LRP2: variants seen among roughly 807,000 people sequenced by gnomAD.
The protein encoded by LRP2 is LDL receptor related protein 2.
LRP2 carries 172 observed loss-of-function variants against 531.0 expected under a neutral mutation model. The observed-to-expected ratio is 0.32, with a 90% CI of 0.29 to 0.37. LRP2 has a LOEUF of 0.37. Among genes scored for constraint, LRP2 ranks in the 10% least tolerant of loss-of-function variants. The pLI is 1.00. For synonymous variants in LRP2, 1,992 were observed against 2,027.6 expected, an observed-to-expected ratio of 0.98 and a Z score of 0.47; for missense variants, 5,167 against 5,868.3, an observed-to-expected ratio of 0.88 and a Z score of 3.90.
chr2:169,293,218 A>G (rs892638996), intron 6 of LRP2, among the ~76,000 whole-genome samples: 2 of 152,250 alleles, frequency 1.3e-5, no homozygotes, highest in African/African-American at 4.8e-5. Flanking sequence ...CTTACTGAAC[A>G]TAGTAAAACT....
At chr2:169,279,214 C>T (rs1433027462) in intron 12 of LRP2, among the ~76,000 whole-genome samples, 158 bp downstream of exon 12, 1 of 152,152 alleles carries the variant, frequency 6.6e-6, no homozygotes, top group African/African-American at 2.4e-5. Context: ...TCTCTTAAAG[C>T]TTCTATAAAT....
At chr2:169,311,121 A>T (rs1436505652) in intron 3 of LRP2, among the ~76,000 whole-genome samples, 1 of 152,044 alleles carries the variant, frequency 6.6e-6, no homozygotes, top group Non-Finnish European at 1.5e-5. Context: ...CTAGTGGTCT[A>T]TCAATTTTGT....
chr2:169,133,368 G>A (rs1396445430), intron 76 of LRP2, among the ~76,000 whole-genome samples: 1 of 152,068 alleles, frequency 6.6e-6, no homozygotes, highest in Non-Finnish European at 1.5e-5. Flanking sequence ...CTGAAACTTG[G>A]ATATGCATTT....
chr2:169,357,474 G>T (rs1232729789), intron 1 of LRP2, among the ~76,000 whole-genome samples: 1 of 152,036 alleles, frequency 6.6e-6, no homozygotes, highest in African/African-American at 2.4e-5. Flanking sequence ...TGGGATTACA[G>T]GTGTGCGTCA....
At position 169,353,638 on chromosome 2, in the gene LRP2, C is replaced by A. The variant is rs1685913501; in HGVS notation, c.79+8683G>T. 2.0e-5 allele frequency among the ~76,000 whole-genome samples: 3 copies of A among 152,252 alleles called. No homozygotes were observed. In the South Asian group the frequency reaches 6.2e-4, roughly 31 times the overall value. On this transcript the variant is annotated intron_variant, in intron 1 of 78. Transcript: ENST00000649046. Reference sequence around the variant, plus strand: ...TGAGATTAAAATGTGGGTAGGATTGCCATATTTCTGATAAAATACTTTCAT... The same window carrying A: ...TGAGATTAAAATGTGGGTAGGATTGACATATTTCTGATAAAATACTTTCAT...
intron 1 of LRP2, among the ~76,000 whole-genome samples, chr2:169,354,948 AACAG>A (rs1382657341): frequency 1.3e-5 from 2 of 152,214 alleles, no homozygotes; most frequent in African/African-American, 2.4e-5. Flanking sequence ...GTGCTTGGAA[AACAG>A]ACAAACTCTT....
chr2:169,139,693 G>A, intron 72 of LRP2, 83 bp from the exon 73 acceptor site: 1 of 1,184,050 alleles, frequency 8.4e-7, no homozygotes, highest in Non-Finnish European at 1.3e-6. Context: ...CTGAAGTAGA[G>A]AGAGCTTTGA....
chr2:169,171,200 G>A (rs1362767787), intron 58 of LRP2, among the ~76,000 whole-genome samples: 1 of 152,124 alleles, frequency 6.6e-6, no homozygotes, highest in Admixed American at 6.6e-5. Context: ...GATATTTGCA[G>A]GTGTAGTCAG....
chr2:169,274,996 G>A (rs1205523361), intron 14 of LRP2, 40 bp downstream of exon 14: 1 of 1,593,486 alleles, frequency 6.3e-7, no homozygotes, highest in Admixed American at 1.7e-5. Context: ...TTTCCACCAA[G>A]TCCGGTACCA....
At chr2:169,142,119 G>T (rs1389277255) in intron 71 of LRP2, among the ~76,000 whole-genome samples, 1 of 152,028 alleles carries the variant, frequency 6.6e-6, no homozygotes, top group African/African-American at 2.4e-5. Context: ...CTAGTTATTC[G>T]CCCCCATCCG....
chr2:169,146,698 A>T, intron 69 of LRP2, 41 bp downstream of exon 69: 1 of 1,447,366 alleles, frequency 6.9e-7, no homozygotes, highest in Non-Finnish European at 9.6e-7. Flanking sequence ...GAAATATGTT[A>T]ATTATTAATT....
At chr2:169,192,804 A>G (rs1687876013) in intron 47 of LRP2, among the ~76,000 whole-genome samples, 1 of 152,178 alleles carries the variant, frequency 6.6e-6, no homozygotes, top group African/African-American at 2.4e-5. Context: ...CAATCCATGT[A>G]TGTGTAGCTG....
chr2:169,324,543 T>A (rs1473946349), intron 1 of LRP2, among the ~76,000 whole-genome samples: 1 of 150,996 alleles, frequency 6.6e-6, no homozygotes, highest in Admixed American at 6.6e-5. Context: ...GCAAAAAAAA[T>A]TTAAGCGTTT....
chr2:169,268,980 T>G (rs1175888042), intron 16 of LRP2, among the ~76,000 whole-genome samples: 5 of 152,062 alleles, frequency 3.3e-5, no homozygotes, highest in Non-Finnish European at 7.4e-5. Flanking sequence ...GAGAGCCAAA[T>G]CATGAGTGAA....
chr2:169,295,116 A>G (rs890839175), intron 4 of LRP2, among the ~76,000 whole-genome samples: 1 of 152,232 alleles, frequency 6.6e-6, no homozygotes, highest in African/African-American at 2.4e-5. Flanking sequence ...CCAGGAAACT[A>G]AAGTACCACT....
At chr2:169,297,740 G>A (rs1265991651) in intron 4 of LRP2, among the ~76,000 whole-genome samples, 1 of 152,114 alleles carries the variant, frequency 6.6e-6, no homozygotes, top group Non-Finnish European at 1.5e-5. Context: ...TAATCAGGGA[G>A]GAGGGTGTAG....
At chr2:169,211,073 T>A (rs1203221933) in intron 37 of LRP2, among the ~76,000 whole-genome samples, 1 of 152,214 alleles carries the variant, frequency 6.6e-6, no homozygotes, top group Non-Finnish European at 1.5e-5. Context: ...AGATGATAAC[T>A]TAGATCCATA....
chr2:169,224,302 C>T (rs1689123709), intron 33 of LRP2, among the ~76,000 whole-genome samples: 1 of 152,176 alleles, frequency 6.6e-6, no homozygotes, highest in African/African-American at 2.4e-5. Context: ...GTTTCACTTT[C>T]AAAATTATTG....
chr2:169,161,539 C>A (rs1408939877), intron 63 of LRP2, among the ~76,000 whole-genome samples: 1 of 152,226 alleles, frequency 6.6e-6, no homozygotes, highest in Non-Finnish European at 1.5e-5. Context: ...TACAGTGGCA[C>A]AATCACAGCT....
Sources: gnomAD v4.1 joint callset for allele counts (sites outside exome capture counted in the v4.1 genomes callset) on GRCh38, gnomAD v4.1.1 for gene constraint, MANE v1.5 for transcripts, NCBI Gene and HGNC (gene_info 2026-07-23, HGNC 2026-07-21) for gene names.